The following XPA variants were observed in gnomAD, a reference collection of about 807,000 sequenced individuals.
The protein encoded by XPA is XPA, DNA damage recognition and repair factor.
Under a neutral mutation model 35.7 loss-of-function variants are expected in XPA, and 27 were observed. That is an observed-to-expected ratio of 0.76 (90% CI 0.56 to 1.04). XPA has a LOEUF of 1.04. Among genes scored for constraint, XPA ranks in the 50% least tolerant of loss-of-function variants. The probability of loss-of-function intolerance (pLI) is 0.00; values close to 1 mark genes in which losing one functional copy is unlikely to be tolerated. For synonymous variants in XPA, 133 were observed against 118.4 expected (o/e 1.12, Z -0.80); for missense variants, 354 against 342.7 (o/e 1.03, Z -0.26).
At chr9:97,680,786 T>C (rs1432911538) in intron 5 of XPA, among the ~76,000 whole-genome samples, 1 of 152,128 alleles carries the variant, frequency 6.6e-6, no homozygotes, top group Non-Finnish European at 1.5e-5. Flanking sequence ...AGGTAAGGCT[T>C]TAGAAGAGTG....
chr9:97,696,996 A>G, intron 1 of XPA, 125 bp downstream of exon 1: 1 of 1,270,454 alleles, frequency 7.9e-7, no homozygotes. Context: ...ACTCGGGGAG[A>G]ATCTGCACAC....
In XPA at chr9:97,697,296, T is replaced by C. The variant is rs1800975; in HGVS notation, c.-4A>G. Reference sequence around the variant, plus strand: ...AAGCCCCGTCGGCCGCCGCCATCTCTGGCCCACTCCGAGGACCTAGCTCCC... The same window carrying C: ...AAGCCCCGTCGGCCGCCGCCATCTCCGGCCCACTCCGAGGACCTAGCTCCC... On this transcript the variant is annotated 5_prime_UTR_variant, in exon 1 of 6. Transcript: ENST00000375128. 1,057,365 of 1,597,438 alleles carry C rather than the reference T, an allele frequency of 0.66. 352,759 individuals carry two copies. The highest frequency in any genetic ancestry group is 0.81 in the African/African-American group (60,238 of 74,792).
intron 2 of XPA, among the ~76,000 whole-genome samples, chr9:97,690,428 C>T (rs1336762944): frequency 6.6e-6 from 1 of 152,084 alleles, no homozygotes; most frequent in Non-Finnish European, 1.5e-5. Flanking sequence ...CGCTCTGTTG[C>T]TCAGGTTTTA....
chr9:97,667,449 A>G, the XPA span, among the ~76,000 whole-genome samples: 1 of 152,160 alleles, frequency 6.6e-6, no homozygotes, highest in Non-Finnish European at 1.5e-5. Context: ...CCCTATAGGA[A>G]CCTTTCGCAA....
At chr9:97,668,010 G>A in the XPA span, among the ~76,000 whole-genome samples, 1 of 152,206 alleles carries the variant, frequency 6.6e-6, no homozygotes, top group East Asian at 1.9e-4. Flanking sequence ...GCAAGATTCT[G>A]TGATATCCGA....
chr9:97,689,784 T>TAA lies in XPA; in HGVS notation c.284-147_284-146dup, dbSNP rs202167208. 18,687 of 401,030 alleles carry TAA rather than the reference T, an allele frequency of 0.047. 2,829 individuals are homozygous for TAA. Among genetic ancestry groups the TAA allele is most frequent in the African/African-American group, 0.36 (16,625 of 46,736 alleles). The allele number at this position is 401,030 out of a possible 1,614,324, so 24.8% of individuals were successfully genotyped here. A position where few individuals can be genotyped will look rare whatever the true frequency, so the allele number is the denominator to read the frequency against. On this transcript the variant is annotated intron_variant, in intron 2 of 5. Transcript: ENST00000375128. ...GACAAAATAAGACCTTATGTTTATC[T>TAA]AAAAAAAAAAATTAAAGAGGAAAAA... is the stretch of plus-strand genomic sequence containing the variant.
At chr9:97,667,129 C>G in the XPA span, among the ~76,000 whole-genome samples, 1 of 152,128 alleles carries the variant, frequency 6.6e-6, no homozygotes, top group Non-Finnish European at 1.5e-5. Context: ...AGTTCACTAT[C>G]TCTGGGTCGG....
rs199756325 is a variant in XPA at position 97,675,493 on chromosome 9, C to G, written c.768G>C (p.Met256Ile). 9.9e-6 allele frequency: 16 copies of G among 1,613,788 alleles called. No homozygotes were observed. Among genetic ancestry groups the G allele is most frequent in the Non-Finnish European group, 1.3e-5 (15 of 1,179,954 alleles). ...YGPEENLEDD[M>I]YRKTCTMCGH... ...CACACATAGTACAAGTCTTACGGTA[C>G]ATGTCATCTTCTAGGTTTTCTTCTG... Residue 256 changes from methionine (M) to isoleucine (I), a missense_variant, in exon 6 of 6, where the codon ATG becomes ATC. Met to Ile is a conservative substitution (Grantham distance 10). Coordinates refer to ENST00000375128, the MANE Select transcript of XPA (RefSeq NM_000380.4).
At chr9:97,697,028 G>T in intron 1 of XPA, 93 bp downstream of exon 1, 1 of 1,427,244 alleles carries the variant, frequency 7.0e-7, no homozygotes, top group Non-Finnish European at 9.2e-7. Context: ...GAGTTGACGC[G>T]ACCCCCGGGC....
downstream of XPA, chr9:97,670,940 A>G: frequency 4.1e-6 from 2 of 488,800 alleles, no homozygotes; most frequent in Admixed American, 4.0e-5. Flanking sequence ...GGGGATTTTC[A>G]GGGGTCCATT....
chr9:97,689,013 TA>T (rs907054748), intron 3 of XPA, among the ~76,000 whole-genome samples: 48 of 150,354 alleles, frequency 3.2e-4, no homozygotes, highest in Admixed American at 1.7e-3. Flanking sequence ...CTGGGTGATA[TA>T]AAAAAAAAGG....
the XPA span, chr9:97,661,982 T>C: frequency 8.5e-7 from 1 of 1,181,532 alleles, no homozygotes; most frequent in Non-Finnish European, 1.3e-6. Context: ...GCATTTGAGG[T>C]AAGGCACCAA....
chr9:97,694,902 G>T (rs1336029923), intron 1 of XPA, among the ~76,000 whole-genome samples: 1 of 152,130 alleles, frequency 6.6e-6, no homozygotes, highest in African/African-American at 2.4e-5. Context: ...TAATACAAAA[G>T]AATCTATACA....
the XPA span, chr9:97,666,819 T>C: frequency 6.2e-7 from 1 of 1,610,736 alleles, no homozygotes; most frequent in Non-Finnish European, 8.5e-7. Flanking sequence ...AAACATGTCC[T>C]GAAGATCCAG....
intron 5 of XPA, chr9:97,682,406 C>T (rs1350462425): frequency 5.8e-6 from 3 of 518,830 alleles, no homozygotes; most frequent in Non-Finnish European, 1.2e-5. Flanking sequence ...CCTTTGTGGC[C>T]TATTCAGGAA....
chr9:97,669,674 T>C, the XPA span: 1 of 1,609,626 alleles, frequency 6.2e-7, no homozygotes, highest in Non-Finnish European at 8.5e-7. Flanking sequence ...GTATAAGAAC[T>C]GTATAGAGAG....
At chr9:97,655,439 AAAT>A in the XPA span, among the ~76,000 whole-genome samples, 2 of 152,202 alleles carry the variant, frequency 1.3e-5, no homozygotes, top group African/African-American at 2.4e-5. Context: ...TATATGGAGA[AAAT>A]AATATGTACC....
the XPA span, chr9:97,669,515 G>T: frequency 1.1e-6 from 1 of 931,980 alleles, no homozygotes; most frequent in East Asian, 2.5e-5. Flanking sequence ...AATACTTTGG[G>T]GTTTCTTTGT....
At chr9:97,656,452 G>A in the XPA span, among the ~76,000 whole-genome samples, 1 of 152,156 alleles carries the variant, frequency 6.6e-6, no homozygotes, top group East Asian at 1.9e-4. Context: ...GTTGGCGAAC[G>A]TCTATAATCC....
Sources: allele counts gnomAD v4.1 joint callset (sites outside exome capture counted in the v4.1 genomes callset), GRCh38; gene constraint gnomAD v4.1.1; transcripts MANE v1.5; gene names NCBI Gene and HGNC (gene_info 2026-07-23, HGNC 2026-07-21).